The following NSD1 variants were observed in gnomAD, a reference collection of about 807,000 sequenced individuals.
NSD1 encodes the protein nuclear receptor binding SET domain protein 1.
Under a neutral mutation model 242.7 loss-of-function variants are expected in NSD1, and 26 were observed. The ratio of observed to expected loss-of-function variants is 0.11; its 90% confidence interval spans 0.08 to 0.15. The LOEUF (loss-of-function observed/expected upper bound fraction) is 0.15. Among genes scored for constraint, NSD1 ranks in the 10% least tolerant of loss-of-function variants. The pLI, the probability that NSD1 is intolerant of heterozygous loss-of-function variation, is 1.00. For synonymous variants in NSD1, 1,106 were observed against 1,178.1 expected (o/e 0.94, Z 1.25); for missense variants, 2,495 against 3,272.8 (o/e 0.76, Z 5.80).
Position 177,158,293 on chromosome 5 carries a change from C to CTTTCTTTCTTTTCTTTTCT in NSD1, c.927+22279_927+22280insTCTTTTCTTTCTTTTCTTT, listed in dbSNP as rs1554172562. Among the ~76,000 whole-genome samples the CTTTCTTTCTTTTCTTTTCT allele has an allele frequency of 3.4e-3, 261 of 77,736 alleles. 3 individuals carry two copies. The Middle Eastern group carries it at 0.051, about 15-fold the overall frequency. 51.0% of individuals were successfully genotyped at this position (77,736 alleles called of 152,430 possible). ...TCTTTCTTTCTTTCTTTCTTTCTTT[C>CTTTCTTTCTTTTCTTTTCT]TTTCTTTCTTTTCTTTCTTTTCTTT... On this transcript the variant is annotated intron_variant, in intron 2 of 22. Coordinates refer to ENST00000439151, the MANE Select transcript of NSD1 (RefSeq NM_022455.5).
chr5:177,181,516 C>T (rs1268450994), intron 2 of NSD1, among the ~76,000 whole-genome samples: 5 of 144,794 alleles, frequency 3.5e-5, no homozygotes, highest in Non-Finnish European at 3.0e-5. Flanking sequence ...ACCTCCAACT[C>T]GCGGGTTCAA....
intron 2 of NSD1, chr5:177,137,076 G>T (rs1459019932): frequency 7.1e-6 from 3 of 420,254 alleles, no homozygotes; most frequent in Non-Finnish European, 1.3e-5. Flanking sequence ...TTGTTAGAGG[G>T]TGATAAATGA....
rs114126401 is a variant in NSD1, at chr5:177,277,624, G to A, written c.5623-2941G>A. Among the ~76,000 whole-genome samples the A allele has an allele frequency of 4.3e-3, 651 of 152,220 alleles. 3 individuals carry two copies. Among genetic ancestry groups the A allele is most frequent in the African/African-American group, 0.014 (595 of 41,532 alleles). Reference sequence around the variant, plus strand: ...AAAACTTATTTTTGGATTAATAACAGGTTAGATCAGTTGATAAGAAACAAT... The same window carrying A: ...AAAACTTATTTTTGGATTAATAACAAGTTAGATCAGTTGATAAGAAACAAT... On this transcript the variant is annotated intron_variant, in intron 17 of 22. Coordinates refer to ENST00000439151, the MANE Select transcript of NSD1 (RefSeq NM_022455.5).
intron 5 of NSD1, among the ~76,000 whole-genome samples, chr5:177,216,948 G>GTT (rs539879823): frequency 9.2e-5 from 13 of 141,590 alleles, no homozygotes; most frequent in Non-Finnish European, 1.6e-4. Flanking sequence ...AAGGCCTTCA[G>GTT]TTTTTTTTTT....
In NSD1 at chr5:177,272,090, C is replaced by T. The variant is rs574075034; in HGVS notation, c.5510-1582C>T. On this transcript the variant is annotated intron_variant, in intron 16 of 22. Transcript: ENST00000439151. The stretch of plus-strand genomic sequence containing the variant: ...TGCCACTGCACTCCAGCCTGGGTGA[C>T]AGAGCAAGCGAGACTCTGTGTGTCC... Among the ~76,000 whole-genome samples the T allele has an allele frequency of 2.6e-5, 4 of 152,260 alleles. No individual in the cohort carries two copies. In the South Asian group the frequency reaches 8.3e-4, roughly 32 times the overall value.
Position 177,269,413 on chromosome 5 carries a change from G to A in NSD1, c.5304-189G>A, listed in dbSNP as rs1162760068. On this transcript the variant is annotated intron_variant, in intron 15 of 22. Coordinates refer to ENST00000439151, the MANE Select transcript of NSD1 (RefSeq NM_022455.5). This position sits in a 1 kb window ranked among gnomAD's most constrained non-coding sequence, Gnocchi z 5.1. ...GGAGTGCGCGCCTGTGTGGGAATGT[G>A]GGCAGATGTTTTCCAGCTTCTAGCA... Among the ~76,000 whole-genome samples, 1 of 152,148 alleles carries A rather than the reference G, an allele frequency of 6.6e-6. No homozygotes were observed. The highest frequency in any genetic ancestry group is 1.5e-5 in the Non-Finnish European group (1 of 68,038).
rs769670349 is a variant in NSD1, at chr5:177,267,723, G to C, written c.5303+5G>C. The C allele has an allele frequency of 2.5e-6, 4 of 1,613,340 alleles. No homozygotes were observed. The African/African-American group carries it at 5.3e-5, about 22-fold the overall frequency. On this transcript the variant is annotated splice_donor_5th_base_variant and intron_variant, in intron 15 of 22. Transcript: ENST00000439151. ...GGTAAAAGTTGGACGATACAGGTAA[G>C]CCTGAAGAATAGCACTCATCTCTTT...
chr5:177,201,312 C>T (rs1052327942), intron 3 of NSD1, among the ~76,000 whole-genome samples: 1 of 152,016 alleles, frequency 6.6e-6, no homozygotes, highest in Non-Finnish European at 1.5e-5. Context: ...TGGGTTCAAG[C>T]GATTCTTCTG....
At chr5:177,183,508 G>A (rs1224327463) in intron 2 of NSD1, among the ~76,000 whole-genome samples, 1 of 152,040 alleles carries the variant, frequency 6.6e-6, no homozygotes, top group Non-Finnish European at 1.5e-5. Flanking sequence ...TTCAATGTTT[G>A]TGTATATATA....
chr5:177,292,286 CTA>C (rs1331054160), intron 22 of NSD1, 128 bp downstream of exon 22: 1 of 893,720 alleles, frequency 1.1e-6, no homozygotes, highest in African/African-American at 1.7e-5. Flanking sequence ...GGGGTATGGT[CTA>C]TTTTCTTATT....
chr5:177,247,079 G>A (rs990056335), intron 10 of NSD1, among the ~76,000 whole-genome samples: 3 of 152,156 alleles, frequency 2.0e-5, no homozygotes, highest in Admixed American at 6.5e-5. Context: ...TTGTAAAACC[G>A]GAGAGTACAA....
intron 17 of NSD1, among the ~76,000 whole-genome samples, chr5:177,278,275 G>A (rs750888368): frequency 1.2e-4 from 19 of 152,068 alleles, no homozygotes; most frequent in Non-Finnish European, 7.4e-5. Flanking sequence ...GCCCGGCTAA[G>A]CTTTATAATT....
In NSD1 at chr5:177,134,998, G is replaced by A. The variant is rs145287346; in HGVS notation, c.-17-89G>A. ...GGAAGTGCAGCAGAAAGGCATAGAG[G>A]CCACTAGGCCTTGAAGTGGCTGCCA... On this transcript the variant is annotated intron_variant, in intron 1 of 22. Coordinates refer to ENST00000439151, the MANE Select transcript of NSD1 (RefSeq NM_022455.5). This position sits in a 1 kb window ranked among gnomAD's most constrained non-coding sequence, Gnocchi z 4.2. The A allele has an allele frequency of 1.9e-4, 212 of 1,138,636 alleles. 1 individual carries two copies. Among genetic ancestry groups the A allele is most frequent in the Non-Finnish European group, 2.6e-4 (200 of 754,982 alleles). The allele number at this position is 1,138,636 out of a possible 1,614,324, so 70.5% of individuals were successfully genotyped here. A position where few individuals can be genotyped will look rare whatever the true frequency, so the allele number is the denominator to read the frequency against.
intron 2 of NSD1, among the ~76,000 whole-genome samples, chr5:177,162,795 C>T (rs1758865078): frequency 6.6e-6 from 1 of 152,138 alleles, no homozygotes; most frequent in African/African-American, 2.4e-5. Flanking sequence ...CCTCAGCCTC[C>T]TGAGTAGCTG....
intron 3 of NSD1, among the ~76,000 whole-genome samples, chr5:177,203,711 G>A (rs568433107): frequency 3.4e-4 from 48 of 143,160 alleles, no homozygotes; most frequent in African/African-American, 1.2e-3. Flanking sequence ...TGTTTTTCAC[G>A]TTTTCTTGGG....
chr5:177,154,628 C>G (rs796509348), intron 2 of NSD1, among the ~76,000 whole-genome samples: 6 of 152,174 alleles, frequency 3.9e-5, no homozygotes, highest in African/African-American at 1.4e-4. Context: ...ACTTGGTCTT[C>G]CTTTTTCACA....
intron 17 of NSD1, among the ~76,000 whole-genome samples, chr5:177,275,429 CCTTGT>C (rs1302899880): frequency 1.0e-4 from 13 of 130,574 alleles, no homozygotes; most frequent in African/African-American, 3.7e-4. Flanking sequence ...ATTGTGCTTC[CCTTGT>C]CTTTTTTTTT....
intron 17 of NSD1, among the ~76,000 whole-genome samples, chr5:177,275,186 A>G (rs1057166331): frequency 1.1e-4 from 16 of 151,844 alleles, no homozygotes; most frequent in Non-Finnish European, 1.0e-4. Flanking sequence ...TTCAGATTGA[A>G]CTAGATGACT....
intron 2 of NSD1, among the ~76,000 whole-genome samples, chr5:177,162,280 A>AGAGT (rs1758820921): frequency 6.6e-6 from 1 of 151,644 alleles, no homozygotes; most frequent in South Asian, 2.1e-4. Flanking sequence ...GTTGGGCAAG[A>AGAGT]GAGTGAGACT....
Sources: gnomAD v4.1 joint callset for allele counts (sites outside exome capture counted in the v4.1 genomes callset) on GRCh38, gnomAD v4.1.1 for gene constraint, Gnocchi (gnomAD v3.1) non-coding constraint, MANE v1.5 for transcripts, NCBI Gene and HGNC (gene_info 2026-07-23, HGNC 2026-07-21) for gene names.